SHMT1: variants seen among roughly 807,000 people sequenced by gnomAD.
SHMT1 encodes the protein serine hydroxymethyltransferase 1, also known as serine hydroxymethyltransferase, cytosolic.
Under a neutral mutation model 49.0 loss-of-function variants are expected in SHMT1, and 45 were observed. That is an observed-to-expected ratio of 0.92 (90% CI 0.72 to 1.18). The LOEUF (loss-of-function observed/expected upper bound fraction) is 1.18, where lower values mean the gene tolerates loss of function less well. Ranked by LOEUF, SHMT1 falls within the 50% of genes most tolerant of loss-of-function variation. SHMT1 has a pLI of 0.00. For synonymous variants in SHMT1, 232 were observed against 246.6 expected, an observed-to-expected ratio of 0.94 and a Z score of 0.55; for missense variants, 541 against 612.4, an observed-to-expected ratio of 0.88 and a Z score of 1.23.
At chr17:18,352,117 T>G (rs1382803165) in intron 3 of SHMT1, among the ~76,000 whole-genome samples, 1 of 150,774 alleles carries the variant, frequency 6.6e-6, no homozygotes. Flanking sequence ...AGCACTGGGA[T>G]TACAGGGGTG....
At chr17:18,331,642 A>G (rs960592700) in intron 9 of SHMT1, 6 of 152,382 alleles carry the variant, frequency 3.9e-5, no homozygotes, top group African/African-American at 1.4e-4. Flanking sequence ...GACAGGGACT[A>G]TGGCCTAAAC....
intron 7 of SHMT1, among the ~76,000 whole-genome samples, chr17:18,339,474 TC>T (rs1984239866): frequency 6.6e-6 from 1 of 151,894 alleles, no homozygotes. Context: ...TGGTTGCTGA[TC>T]CCCCTCCTAT....
At chr17:18,355,603 T>C (rs1458140038) in intron 2 of SHMT1, among the ~76,000 whole-genome samples, 2 of 152,006 alleles carry the variant, frequency 1.3e-5, no homozygotes, top group East Asian at 1.9e-4. Flanking sequence ...TCTAGATAGA[T>C]CTATATTCCC....
At position 18,340,766 on chromosome 17, in the gene SHMT1, G is replaced by A. The variant is rs774601867; in HGVS notation, c.567C>T (p.Asn189=). ...TCAGCTTCGGGTGGAAGAGGCGTGC[G>A]TTCTCCTCCAGCTGGTCATAGTTGA... ...GYINYDQLEE[N]ARLFHPKLII... is the part of the protein sequence containing the mutation. The change falls in exon 6 of 12, where the codon AAC becomes AAT. Residue 189 remains asparagine, a synonymous_variant. Coordinates refer to ENST00000316694, the MANE Select transcript of SHMT1 (RefSeq NM_004169.5). This position sits in a 1 kb window ranked among gnomAD's most constrained non-coding sequence, Gnocchi z 4.5. The A allele has an allele frequency of 1.6e-5, 26 of 1,613,262 alleles. No homozygotes were observed. The African/African-American group carries it at 2.3e-4, about 14-fold the overall frequency.
In SHMT1 at chr17:18,353,704, A is replaced by G. The variant is rs774150764; in HGVS notation, c.210T>C (p.Asn70=). The stretch of plus-strand genomic sequence containing the variant: ...CCGGGTACCCCTCAGAGTATTTGTT[A>G]TTTAAGCAAGAGCCTAGGGCCTCCA... ...AVLEALGSCL[N]NKYSEGYPGQ... Residue 70 remains asparagine, a synonymous_variant, in exon 3 of 12, where the codon AAT becomes AAC. Transcript: ENST00000316694. 20 of 1,613,996 alleles carry G rather than the reference A, an allele frequency of 1.2e-5. No individual in the cohort carries two copies. In the African/African-American group the frequency reaches 2.1e-4, roughly 17 times the overall value.
At chr17:18,332,531 G>A (rs1318845809) in intron 9 of SHMT1, 2 of 178,228 alleles carry the variant, frequency 1.1e-5, no homozygotes, top group African/African-American at 2.4e-5. Flanking sequence ...TAGGTATAAA[G>A]TCGCCCTTCC....
chr17:18,350,661 T>C (rs1364279205), intron 3 of SHMT1, among the ~76,000 whole-genome samples: 1 of 152,022 alleles, frequency 6.6e-6, no homozygotes, highest in African/African-American at 2.4e-5. Context: ...ATACATAACA[T>C]TTTGTTTTAA....
At chr17:18,362,386 TC>T (rs1191558315) in intron 1 of SHMT1, among the ~76,000 whole-genome samples, 1 of 152,104 alleles carries the variant, frequency 6.6e-6, no homozygotes, top group Non-Finnish European at 1.5e-5. Context: ...AGTGGCGTGA[TC>T]TCCGCTCACT....
At chr17:18,334,219 G>A (rs1983548744) in intron 8 of SHMT1, among the ~76,000 whole-genome samples, 1 of 152,170 alleles carries the variant, frequency 6.6e-6, no homozygotes, top group African/African-American at 2.4e-5. Flanking sequence ...TGGGACTACA[G>A]GCGTGAGCCA....
intron 1 of SHMT1, among the ~76,000 whole-genome samples, chr17:18,362,727 GGGTC>G (rs1986887720): frequency 6.6e-6 from 1 of 152,202 alleles, no homozygotes; most frequent in African/African-American, 2.4e-5. Flanking sequence ...GCTGGACCAA[GGGTC>G]ACTTAACTCC....
chr17:18,343,756 C>CA (rs1296335384), intron 5 of SHMT1, among the ~76,000 whole-genome samples: 1 of 149,114 alleles, frequency 6.7e-6, no homozygotes, highest in Non-Finnish European at 1.5e-5. Flanking sequence ...CTTGTCTCCA[C>CA]AAAAAATACA....
chr17:18,337,253 G>A (rs919191980), intron 7 of SHMT1, among the ~76,000 whole-genome samples: 9 of 152,164 alleles, frequency 5.9e-5, no homozygotes, highest in African/African-American at 1.2e-4. Flanking sequence ...GTCATACAGC[G>A]GGTGTGCGGC....
chr17:18,356,795 C>T (rs1473363278), intron 1 of SHMT1, among the ~76,000 whole-genome samples: 1 of 152,066 alleles, frequency 6.6e-6, no homozygotes, highest in Non-Finnish European at 1.5e-5. Flanking sequence ...AAACTGCAGA[C>T]GTCAGCTCAT....
intron 5 of SHMT1, among the ~76,000 whole-genome samples, chr17:18,346,459 G>A (rs775773484): frequency 9.2e-5 from 14 of 152,126 alleles, no homozygotes; most frequent in Admixed American, 2.6e-4. Context: ...CGGGTCCCAC[G>A]AAAAACAAGT....
At chr17:18,344,747 C>A (rs962770866) in intron 5 of SHMT1, among the ~76,000 whole-genome samples, 1 of 152,046 alleles carries the variant, frequency 6.6e-6, no homozygotes, top group South Asian at 2.1e-4. Context: ...CCACAGTGCA[C>A]AGAGGATAAG....
Position 18,355,050 on chromosome 17 carries a change from CAAAAAAAAAAAAAAAAAAAAAA to C in SHMT1, c.96+814_96+835del, listed in dbSNP as rs768492183. Among the ~76,000 whole-genome samples, 61 of 24,462 alleles carry C rather than the reference CAAAAAAAAAAAAAAAAAAAAAA, an allele frequency of 2.5e-3. 1 individual carries two copies. The highest frequency in any genetic ancestry group is 9.1e-3 in the African/African-American group (54 of 5,912). The allele number at this position is 24,462 out of a possible 152,430, so 16.0% of individuals were successfully genotyped here. A position where few individuals can be genotyped will look rare whatever the true frequency, so the allele number is the denominator to read the frequency against. ...TGAGCAACAGAGCAAGACTATATCT[CAAAAAAAAAAAAAAAAAAAAAA>C]AAAAAAAAAAAAAAAGGCCGGGTGC... On this transcript the variant is annotated intron_variant, in intron 2 of 11. Coordinates refer to ENST00000316694, the MANE Select transcript of SHMT1 (RefSeq NM_004169.5).
intron 1 of SHMT1, among the ~76,000 whole-genome samples, chr17:18,359,409 C>T (rs1377384089): frequency 1.3e-5 from 2 of 151,988 alleles, no homozygotes; most frequent in Admixed American, 6.6e-5. Flanking sequence ...CAAGGTGGCT[C>T]ACATCTGTAA....
intron 1 of SHMT1, among the ~76,000 whole-genome samples, chr17:18,357,266 C>G (rs902198348): frequency 9.1e-6 from 1 of 110,210 alleles, no homozygotes; most frequent in Non-Finnish European, 1.7e-5. Context: ...GGCCATAGAG[C>G]AAGACTCCAC....
At chr17:18,352,211 T>C (rs1985789515) in intron 3 of SHMT1, among the ~76,000 whole-genome samples, 1 of 147,354 alleles carries the variant, frequency 6.8e-6, no homozygotes, top group Non-Finnish European at 1.5e-5. Context: ...AGTGGCGCGA[T>C]CTCGGCTCAC....
Sources: allele counts gnomAD v4.1 joint callset (sites outside exome capture counted in the v4.1 genomes callset), GRCh38; gene constraint gnomAD v4.1.1; non-coding constraint Gnocchi (gnomAD v3.1); transcripts MANE v1.5; gene names NCBI Gene and HGNC (gene_info 2026-07-23, HGNC 2026-07-21).